CHD7: variants seen among roughly 807,000 people sequenced by gnomAD.
CHD7 encodes ATP-dependent chromatin remodeler CHD7.
CHD7 carries 24 observed loss-of-function variants against 307.3 expected under a neutral mutation model. The ratio of observed to expected loss-of-function variants is 0.08; its 90% CI spans 0.06 to 0.11. CHD7 has a LOEUF of 0.11. Among genes scored for constraint, CHD7 ranks in the 10% least tolerant of loss-of-function variants. The pLI is 1.00. For missense variants in CHD7, 3,106 were observed against 3,727.1 expected, an observed-to-expected ratio of 0.83 and a Z score of 4.34; for synonymous variants, 1,363 against 1,349.9, an observed-to-expected ratio of 1.01 and a Z score of -0.21.
intron 2 of CHD7, among the ~76,000 whole-genome samples, chr8:60,760,818 GGCAA>G (rs1396414419): frequency 2.6e-5 from 4 of 151,962 alleles, no homozygotes; most frequent in African/African-American, 9.7e-5. Context: ...CAGTTAGAAT[GGCAA>G]TCATTAAAAA....
At chr8:60,842,763 A>G (rs1805029122) in intron 21 of CHD7, among the ~76,000 whole-genome samples, 1 of 152,186 alleles carries the variant, frequency 6.6e-6, no homozygotes, top group Admixed American at 6.5e-5. Context: ...GATTTCTTCC[A>G]ATGAATTACC....
At chr8:60,809,275 T>C (rs544841771) in intron 7 of CHD7, among the ~76,000 whole-genome samples, 1 of 152,294 alleles carries the variant, frequency 6.6e-6, no homozygotes, top group East Asian at 1.9e-4. Context: ...TGAAATACAG[T>C]CTGACAATTT....
chr8:60,840,466 A>T (rs1804923162), intron 19 of CHD7, among the ~76,000 whole-genome samples: 1 of 151,714 alleles, frequency 6.6e-6, no homozygotes, highest in African/African-American at 2.4e-5. Flanking sequence ...TTCATATTTC[A>T]CTTGTACCCA....
intron 7 of CHD7, among the ~76,000 whole-genome samples, chr8:60,810,075 T>G (rs1365391508): frequency 6.6e-6 from 1 of 152,244 alleles, no homozygotes. Flanking sequence ...TAGTATTTAC[T>G]TTGCCCACAT....
intron 2 of CHD7, among the ~76,000 whole-genome samples, chr8:60,769,560 A>C (rs1439476926): frequency 6.6e-6 from 1 of 152,224 alleles, no homozygotes; most frequent in East Asian, 1.9e-4. Context: ...CATAGATCAC[A>C]GATTTGTTCA....
In CHD7 at chr8:60,771,274, T is replaced by TA. The variant is rs550051410; in HGVS notation, c.1666-9725dup. On this transcript the variant is annotated intron_variant, in intron 2 of 37. Coordinates refer to ENST00000423902, the MANE Select transcript of CHD7 (RefSeq NM_017780.4). ...AAAGTATACATTAGTTATTTATTGT[T>TA]ATGTGACACTTTACAGGTTGACTAT... 4.6e-5 allele frequency among the ~76,000 whole-genome samples: 7 copies of TA among 152,358 alleles called. 1 individual carries two copies. In the South Asian group the frequency reaches 1.4e-3, roughly 32 times the overall value.
chr8:60,693,320 CT>C (rs1026623117), intron 1 of CHD7, among the ~76,000 whole-genome samples: 2 of 152,248 alleles, frequency 1.3e-5, no homozygotes, highest in Non-Finnish European at 2.9e-5. Context: ...TCCTGCTCCC[CT>C]GTGGAACAAG....
At chr8:60,807,110 T>G (rs1312966874) in intron 6 of CHD7, among the ~76,000 whole-genome samples, 2 of 152,258 alleles carry the variant, frequency 1.3e-5, no homozygotes, top group Non-Finnish European at 2.9e-5. Context: ...GAAAATGGTT[T>G]GAAGGTTGGA....
At chr8:60,779,323 T>C (rs767438367) in intron 2 of CHD7, among the ~76,000 whole-genome samples, 1 of 152,200 alleles carries the variant, frequency 6.6e-6, no homozygotes, top group Non-Finnish European at 1.5e-5. Flanking sequence ...CCAGTGCAAT[T>C]GAGTGAAACC....
At chr8:60,792,593 G>C (rs1811828569) in intron 3 of CHD7, among the ~76,000 whole-genome samples, 1 of 152,228 alleles carries the variant, frequency 6.6e-6, no homozygotes, top group South Asian at 2.1e-4. Flanking sequence ...CTGACTTTCA[G>C]CTATCTTGGA....
chr8:60,781,519 G>A, intron 3 of CHD7, 89 bp downstream of exon 3: 3 of 1,422,190 alleles, frequency 2.1e-6, no homozygotes, highest in East Asian at 2.6e-5. Flanking sequence ...TGAGGGGTGG[G>A]AGGGGACACA....
intron 1 of CHD7, among the ~76,000 whole-genome samples, chr8:60,712,847 C>T (rs760173902): frequency 1.3e-5 from 2 of 151,876 alleles, no homozygotes; most frequent in African/African-American, 4.8e-5. Context: ...GTCAGGAGTT[C>T]GAGACCAGCC....
intron 13 of CHD7, among the ~76,000 whole-genome samples, chr8:60,827,195 A>C (rs992185068): frequency 1.3e-5 from 2 of 152,154 alleles, no homozygotes; most frequent in Non-Finnish European, 2.9e-5. Flanking sequence ...ACATGTATAC[A>C]TATGTAACTA....
At chr8:60,772,547 G>A (rs570530154) in intron 2 of CHD7, among the ~76,000 whole-genome samples, 1 of 152,254 alleles carries the variant, frequency 6.6e-6, no homozygotes, top group East Asian at 1.9e-4. Flanking sequence ...TAGTAAGCTG[G>A]GTAGCTTCAG....
chr8:60,794,846 G>C, intron 3 of CHD7, 140 bp from the exon 4 acceptor site: 1 of 680,036 alleles, frequency 1.5e-6, no homozygotes, highest in Non-Finnish European at 2.3e-6. Context: ...TTAATTGGGA[G>C]TTGCATTTAA....
In CHD7 at chr8:60,836,724, A is replaced by G. The variant is rs575364590; in HGVS notation, c.3990-93A>G. ...TAAGTCATATTAGTCTTTTTAATAT[A>G]TATTCCATATTGTAATAATTAAAAA... On this transcript the variant is annotated intron_variant, in intron 16 of 37. Coordinates refer to ENST00000423902, the MANE Select transcript of CHD7 (RefSeq NM_017780.4). 7 of 876,406 alleles carry G rather than the reference A, an allele frequency of 8.0e-6. No individual in the cohort carries two copies. The East Asian group carries it at 1.1e-4, about 14-fold the overall frequency. The allele number at this position is 876,406 out of a possible 1,614,324, so 54.3% of individuals were successfully genotyped here.
intron 12 of CHD7, 36 bp downstream of exon 12, chr8:60,822,782 C>A (rs755624363): frequency 6.6e-7 from 1 of 1,520,666 alleles, no homozygotes; most frequent in Non-Finnish European, 8.9e-7. Context: ...TGTACTTACT[C>A]TGTGCATTTT....
At chr8:60,796,880 G>A (rs1366072215) in intron 4 of CHD7, among the ~76,000 whole-genome samples, 1 of 152,134 alleles carries the variant, frequency 6.6e-6, no homozygotes, top group Non-Finnish European at 1.5e-5. Context: ...TGAGTTTTGT[G>A]ATTGATTTAC....
chr8:60,838,930 G>A (rs1463539526), intron 19 of CHD7, among the ~76,000 whole-genome samples: 3 of 152,218 alleles, frequency 2.0e-5, no homozygotes, highest in African/African-American at 7.2e-5. Context: ...TTATTGAAAT[G>A]TAATTAACTG....
Sources: allele counts gnomAD v4.1 joint callset (sites outside exome capture counted in the v4.1 genomes callset), GRCh38; gene constraint gnomAD v4.1.1; transcripts MANE v1.5; gene names NCBI Gene and HGNC (gene_info 2026-07-23, HGNC 2026-07-21).